XNDC1N: variants seen among roughly 807,000 people sequenced by gnomAD.
The protein encoded by XNDC1N is protein XNDC1N.
At chr11:71,889,697 C>T in the XNDC1N span, among the ~76,000 whole-genome samples, 1,427 of 152,282 alleles carry the variant, frequency 9.4e-3, 11 homozygotes, top group Non-Finnish European at 0.016. Flanking sequence ...CCATGTGTTA[C>T]CTGCCGACAG....
At chr11:71,871,390 G>C in the XNDC1N span, among the ~76,000 whole-genome samples, 3 of 152,168 alleles carry the variant, frequency 2.0e-5, no homozygotes, top group Non-Finnish European at 4.4e-5. Flanking sequence ...AAAGGGATAA[G>C]GATATCATGG....
chr11:71,921,133 A>G, the XNDC1N span, among the ~76,000 whole-genome samples: 1 of 152,090 alleles, frequency 6.6e-6, no homozygotes, highest in Non-Finnish European at 1.5e-5. Flanking sequence ...CTGGGACTAC[A>G]GGTGTGTGCC....
the XNDC1N span, chr11:71,903,200 C>T: frequency 2.7e-6 from 2 of 745,664 alleles, no homozygotes; most frequent in Middle Eastern, 2.5e-4. Flanking sequence ...TACAGACCCA[C>T]AGAGTCTAAC....
the XNDC1N span, chr11:71,916,107 A>G: frequency 1.4e-6 from 1 of 702,928 alleles, no homozygotes; most frequent in Non-Finnish European, 2.6e-6. Context: ...GGGCTGAGGG[A>G]CCCACCACAG....
chr11:71,923,159 G>C, the XNDC1N span: 1 of 652,446 alleles, frequency 1.5e-6, no homozygotes, highest in Non-Finnish European at 2.7e-6. Context: ...GGAACAACCT[G>C]AGGGCAAGAG....
At chr11:71,883,097 C>T in the XNDC1N span, among the ~76,000 whole-genome samples, 46 of 152,006 alleles carry the variant, frequency 3.0e-4, no homozygotes, top group Admixed American at 1.3e-4. Context: ...TTAAAGAAGA[C>T]ACAAATCAGT....
chr11:71,899,443 G>C, the XNDC1N span, among the ~76,000 whole-genome samples: 1 of 152,204 alleles, frequency 6.6e-6, no homozygotes, highest in Non-Finnish European at 1.5e-5. Context: ...TCCATTTGGA[G>C]AAAGACCTGA....
the XNDC1N span, chr11:71,884,320 C>T: frequency 7.4e-7 from 1 of 1,359,152 alleles, no homozygotes; most frequent in Non-Finnish European, 9.6e-7. Context: ...TTCTGTAATG[C>T]TTTTAATTTA....
the XNDC1N span, among the ~76,000 whole-genome samples, chr11:71,915,231 G>A: frequency 1.3e-5 from 2 of 152,104 alleles, no homozygotes; most frequent in South Asian, 4.2e-4. Flanking sequence ...GGAGGATCAC[G>A]AGGTCAGGAG....
the XNDC1N span, among the ~76,000 whole-genome samples, chr11:71,910,102 G>A: frequency 2.5e-4 from 38 of 152,176 alleles, no homozygotes; most frequent in Non-Finnish European, 4.4e-4. Context: ...ATCCAGGTCC[G>A]TCTCAAGCAC....
chr11:71,921,315 A>G, the XNDC1N span, among the ~76,000 whole-genome samples: 1 of 152,178 alleles, frequency 6.6e-6, no homozygotes, highest in South Asian at 2.1e-4. Context: ...ACCACACCCA[A>G]CTAACTTTTG....
At chr11:71,872,964 T>C in the XNDC1N span, among the ~76,000 whole-genome samples, 2 of 152,218 alleles carry the variant, frequency 1.3e-5, no homozygotes, top group East Asian at 1.9e-4. Context: ...CTGTAGTTTA[T>C]GTTCCTTTTC....
At chr11:71,885,556 A>G in the XNDC1N span, among the ~76,000 whole-genome samples, 1 of 152,122 alleles carries the variant, frequency 6.6e-6, no homozygotes, top group African/African-American at 2.4e-5. Flanking sequence ...ATTCGGATCA[A>G]TATCACCGGC....
chr11:71,892,250 CA>C, the XNDC1N span, among the ~76,000 whole-genome samples: 2 of 151,616 alleles, frequency 1.3e-5, no homozygotes, highest in African/African-American at 4.9e-5. Context: ...TAGTAGATAA[CA>C]AATAACATCG....
chr11:71,885,873 A>T, the XNDC1N span, among the ~76,000 whole-genome samples: 1 of 151,868 alleles, frequency 6.6e-6, no homozygotes, highest in Non-Finnish European at 1.5e-5. Flanking sequence ...AATCATTAAT[A>T]TTAATCATGT....
the XNDC1N span, among the ~76,000 whole-genome samples, chr11:71,872,495 G>A: frequency 6.6e-6 from 1 of 152,016 alleles, no homozygotes; most frequent in Non-Finnish European, 1.5e-5. Context: ...AGGCCGAGGC[G>A]GGTGGATCAC....
At chr11:71,898,660 A>G in the XNDC1N span, among the ~76,000 whole-genome samples, 1 of 152,192 alleles carries the variant, frequency 6.6e-6, no homozygotes, top group Non-Finnish European at 1.5e-5. Context: ...AAGTGTCTAG[A>G]GTAGTTAAAC....
At chr11:71,901,895 T>C in the XNDC1N span, among the ~76,000 whole-genome samples, 241 of 150,496 alleles carry the variant, frequency 1.6e-3, 1 homozygote, top group African/African-American at 5.7e-3. Flanking sequence ...ATTTTAGATA[T>C]ATTCCTTAAG....
the XNDC1N span, among the ~76,000 whole-genome samples, chr11:71,869,420 T>A: frequency 6.6e-6 from 1 of 152,224 alleles, no homozygotes; most frequent in Non-Finnish European, 1.5e-5. Flanking sequence ...CCATGGTGTA[T>A]GTGTGCCACA....
Sources: gnomAD v4.1 joint callset for allele counts (sites outside exome capture counted in the v4.1 genomes callset) on GRCh38, gnomAD v4.1.1 for gene constraint, MANE v1.5 for transcripts, NCBI Gene and HGNC (gene_info 2026-07-23, HGNC 2026-07-21) for gene names.